Variants in TNNI1 observed in about 807,000 individuals in gnomAD.
TNNI1 encodes troponin I, slow skeletal muscle.
In TNNI1, 14 loss-of-function variants were observed where a neutral mutation model predicts 26.7. That is an observed-to-expected ratio of 0.52 (90% CI 0.35 to 0.82). TNNI1 has a LOEUF of 0.82. TNNI1 is among the 40% of genes least tolerant of loss of function. The pLI is 0.01. For missense variants in TNNI1, 164 were observed against 257.0 expected, an observed-to-expected ratio of 0.64 and a Z score of 2.47; for synonymous variants, 79 against 98.2, an observed-to-expected ratio of 0.80 and a Z score of 1.16.
intron 4 of TNNI1, 71 bp downstream of exon 4, chr1:201,415,142 C>T (rs562649045): frequency 7.4e-7 from 1 of 1,349,814 alleles, no homozygotes; most frequent in African/African-American, 1.4e-5. Flanking sequence ...CCTCCACATC[C>T]CTTCAGAGTC....
chr1:201,418,370 A>C (rs1466251433), intron 1 of TNNI1, among the ~76,000 whole-genome samples: 1 of 151,574 alleles, frequency 6.6e-6, no homozygotes, highest in Non-Finnish European at 1.5e-5. Context: ...CAGGAGGCTG[A>C]GGCAGAAGAA....
chr1:201,414,373 TA>T, intron 5 of TNNI1, 144 bp downstream of exon 5: 1 of 676,306 alleles, frequency 1.5e-6, no homozygotes, highest in Non-Finnish European at 2.3e-6. Context: ...TTGTGAAGAT[TA>T]AATGAGACCA....
At chr1:201,417,033 T>C in intron 3 of TNNI1, 83 bp downstream of exon 3, 1 of 1,557,628 alleles carries the variant, frequency 6.4e-7, no homozygotes, top group South Asian at 1.1e-5. Context: ...GGCTCTTCCC[T>C]CTCCTCAGAT....
chr1:201,417,358 G>T (rs1409613475), intron 2 of TNNI1, among the ~76,000 whole-genome samples: 2 of 152,168 alleles, frequency 1.3e-5, no homozygotes, highest in African/African-American at 2.4e-5. Flanking sequence ...TTATTGGGAG[G>T]TACTGGGCAT....
chr1:201,411,156 C>T lies in TNNI1; in HGVS notation c.456+201G>A, dbSNP rs571192095. Among the ~76,000 whole-genome samples the T allele has an allele frequency of 1.4e-3, 218 of 152,368 alleles. No homozygotes were observed. The highest frequency in any genetic ancestry group is 3.4e-3 in the Middle Eastern group (1 of 294). ...TTTATGTCCTAGTTTCTTCGTCAGA[C>T]TGGGAACAGCCTGAAGGAAGGGAGC... is the stretch of plus-strand genomic sequence containing the variant. On this transcript the variant is annotated intron_variant, in intron 7 of 8. Transcript: ENST00000361379. The surrounding 1 kb of genome is among the most constrained non-coding windows in gnomAD (Gnocchi z 4.6).
chr1:201,419,083 G>A (rs1662809968), intron 1 of TNNI1, among the ~76,000 whole-genome samples: 1 of 152,166 alleles, frequency 6.6e-6, no homozygotes, highest in South Asian at 2.1e-4. Flanking sequence ...ATGTTTACCT[G>A]TGTAACGAAC....
chr1:201,417,732 G>A (rs1422983161), intron 2 of TNNI1, 51 bp downstream of exon 2: 2 of 1,311,122 alleles, frequency 1.5e-6, no homozygotes, highest in Non-Finnish European at 2.0e-6. Flanking sequence ...TGAAGTCTGT[G>A]GCAAAGGGAC....
intron 1 of TNNI1, among the ~76,000 whole-genome samples, chr1:201,418,097 A>C (rs972082177): frequency 3.0e-4 from 44 of 148,518 alleles, no homozygotes; most frequent in Non-Finnish European, 1.2e-4. Flanking sequence ...TATGTGAGCT[A>C]CAAAGCTATC....
rs897838591 is a variant in TNNI1, at chr1:201,411,343, G to C, written c.456+14C>G. 7 of 1,613,194 alleles carry C rather than the reference G, an allele frequency of 4.3e-6. No individual in the cohort carries two copies. In the African/African-American group the frequency reaches 5.3e-5, roughly 12 times the overall value. ...AGGGCAGAGGGTGGAATGTTCTGAG[G>C]AAAGGGACCTCACCTTCTCTGTGTC... On this transcript the variant is annotated intron_variant, in intron 7 of 8. Coordinates refer to ENST00000361379, the MANE Select transcript of TNNI1 (RefSeq NM_003281.4). This position sits in a 1 kb window ranked among gnomAD's most constrained non-coding sequence, Gnocchi z 4.6.
At chr1:201,415,375 C>A in intron 3 of TNNI1, 121 bp from the exon 4 acceptor site, 1 of 993,578 alleles carries the variant, frequency 1.0e-6, no homozygotes, top group South Asian at 1.4e-5. Context: ...CCTCTGCTCA[C>A]CCTACGGTGC....
rs1662601583 is a variant in TNNI1, at chr1:201,410,006, G to C, written c.*2+320C>G. 14 of 224,882 alleles carry C rather than the reference G, an allele frequency of 6.2e-5. No individual in the cohort carries two copies. The South Asian group carries it at 1.3e-3, about 21-fold the overall frequency. 13.9% of individuals were successfully genotyped at this position (224,882 alleles called of 1,614,324 possible). A position where few individuals can be genotyped will look rare whatever the true frequency, so the allele number is the denominator to read the frequency against. On this transcript the variant is annotated intron_variant, in intron 8 of 8. Coordinates refer to ENST00000361379, the MANE Select transcript of TNNI1 (RefSeq NM_003281.4). ...TTTCCAATTTAGTGGATCTGGGGTG[G>C]GGGCTGATCATTTGCATCCCAGGTG...
intron 3 of TNNI1, among the ~76,000 whole-genome samples, chr1:201,415,670 C>T (rs562302261): frequency 1.3e-5 from 2 of 152,278 alleles, no homozygotes; most frequent in African/African-American, 4.8e-5. Flanking sequence ...TGTGTTTTCA[C>T]ACTCCAGGTA....
intron 3 of TNNI1, 126 bp from the exon 4 acceptor site, chr1:201,415,380 C>G: frequency 1.0e-6 from 1 of 976,436 alleles, no homozygotes; most frequent in Non-Finnish European, 1.6e-6. Context: ...GCTCACCCTA[C>G]GGTGCCTTAA....
chr1:201,415,255 C>T lies in TNNI1; in HGVS notation c.16-1G>A. On this transcript the variant is annotated splice_acceptor_variant, in intron 3 of 8. Coordinates refer to ENST00000361379, the MANE Select transcript of TNNI1 (RefSeq NM_003281.4). LOFTEE classifies it high-confidence loss of function. ...GGGAGGCAGTGATCTTGGGTTTTCT[C>T]TGTGGGCAAGAAGAGAGAGAGACAG... 6.2e-7 allele frequency: 1 copy of T among 1,614,166 alleles called. No individual in the cohort carries two copies. The highest frequency in any genetic ancestry group is 1.3e-5 in the African/African-American group (1 of 75,058).
At position 201,410,300 on chromosome 1, in the gene TNNI1, A is replaced by C. The variant is rs202236742; in HGVS notation, c.*2+26T>G. ...TATCCTCTAGACTCTGATGGACCCC[A>C]GAGAAGGGAGCTGGTCTCTAGGTAC... On this transcript the variant is annotated intron_variant, in intron 8 of 8. Transcript: ENST00000361379. 15 of 1,601,832 alleles carry C rather than the reference A, an allele frequency of 9.4e-6. 1 individual carries two copies. In the Middle Eastern group the frequency reaches 5.0e-4, roughly 53 times the overall value.
At chr1:201,418,363 G>A (rs1043789814) in intron 1 of TNNI1, among the ~76,000 whole-genome samples, 7 of 151,702 alleles carry the variant, frequency 4.6e-5, no homozygotes, top group Non-Finnish European at 7.4e-5. Context: ...AGCTACTCAG[G>A]AGGCTGAGGC....
intron 3 of TNNI1, among the ~76,000 whole-genome samples, 179 bp downstream of exon 3, chr1:201,416,937 T>C (rs1043523752): frequency 1.3e-5 from 2 of 152,054 alleles, no homozygotes; most frequent in Non-Finnish European, 2.9e-5. Context: ...ACATCCAGAA[T>C]CTTCACCTGA....
intron 7 of TNNI1, among the ~76,000 whole-genome samples, chr1:201,410,762 C>T (rs528511228): frequency 1.8e-4 from 28 of 152,362 alleles, no homozygotes; most frequent in African/African-American, 6.5e-4. Context: ...TCAAGGCCAC[C>T]TCTTCCAAGA....
intron 7 of TNNI1, 123 bp from the exon 8 acceptor site, chr1:201,410,558 G>T (rs1029045890): frequency 4.9e-6 from 4 of 809,898 alleles, no homozygotes; most frequent in Non-Finnish European, 8.0e-6. Context: ...CCCCTCCCCA[G>T]CTGGTAAGGT....
Sources: gnomAD v4.1 joint callset for allele counts (sites outside exome capture counted in the v4.1 genomes callset) on GRCh38, gnomAD v4.1.1 for gene constraint, Gnocchi (gnomAD v3.1) non-coding constraint, MANE v1.5 for transcripts, NCBI Gene and HGNC (gene_info 2026-07-23, HGNC 2026-07-21) for gene names.